The following CTTNBP2 variants were observed in gnomAD, a reference collection of about 807,000 sequenced individuals.
CTTNBP2 encodes cortactin binding protein 2, also known as cortactin-binding protein 2.
In CTTNBP2, 108 loss-of-function variants were observed where a neutral mutation model predicts 156.9. That is an observed-to-expected ratio of 0.69 (90% CI 0.59 to 0.81). CTTNBP2 has a LOEUF of 0.81. CTTNBP2 is among the 30% of genes least tolerant of loss of function. The pLI, the probability that CTTNBP2 is intolerant of heterozygous loss-of-function variation, is 0.00. For synonymous variants in CTTNBP2, 767 were observed against 751.8 expected, an observed-to-expected ratio of 1.02 and a Z score of -0.33; for missense variants, 1,924 against 2,035.4, an observed-to-expected ratio of 0.95 and a Z score of 1.05.
intron 12 of CTTNBP2, among the ~76,000 whole-genome samples, chr7:117,755,743 T>C (rs181115607): frequency 5.3e-5 from 8 of 152,368 alleles, no homozygotes; most frequent in Admixed American, 4.6e-4. Context: ...AATGATCATA[T>C]TCTTCTTCTT....
At position 117,721,096 on chromosome 7, in the gene CTTNBP2, A is replaced by G; in HGVS notation, c.4482T>C (p.Cys1494=). 6.2e-7 allele frequency: 1 copy of G among 1,606,696 alleles called. No individual in the cohort carries two copies. Among genetic ancestry groups the G allele is most frequent in the South Asian group, 1.1e-5 (1 of 90,898 alleles). The change falls in exon 20 of 23, where the codon TGT becomes TGC. Residue 1494 remains cysteine (C), a synonymous_variant. Coordinates refer to ENST00000160373, the MANE Select transcript of CTTNBP2 (RefSeq NM_033427.3). ...MKNKTISQLN[C]NRNASLSKQK... is the part of the protein sequence containing the mutation. ...GTTTTGACAGAGAAGCATTCCTGTT[A>G]CAATTCAGCTGTGATATAGTCTTAT... is the stretch of plus-strand genomic sequence containing the variant.
rs191024761 is a variant in CTTNBP2 at position 117,756,571 on chromosome 7, T to A, written c.3332A>T (p.Gln1111Leu). ...TCCACCTACCAGCCTGAGGTAGTTCTGCATCATCTGGAGAGGGATCATGGA... is the reference window on the plus strand; with the variant it reads ...TCCACCTACCAGCCTGAGGTAGTTCAGCATCATCTGGAGAGGGATCATGGA... ...YASMIPLQMMQNYLRLVEQYH... is the reference protein window; with the variant it reads ...YASMIPLQMMLNYLRLVEQYH... Residue 1111 changes from glutamine to leucine, a missense_variant, in exon 12 of 23, where the codon CAG becomes CTG. By Grantham distance (113) the Gln-to-Leu change is moderately radical. Transcript: ENST00000160373. The A allele has an allele frequency of 1.2e-4, 190 of 1,613,290 alleles. No homozygotes were observed. Among genetic ancestry groups the A allele is most frequent in the Non-Finnish European group, 8.0e-5 (94 of 1,179,228 alleles).
At chr7:117,811,934 TA>T (rs376203872) in intron 2 of CTTNBP2, among the ~76,000 whole-genome samples, 3 of 122,916 alleles carry the variant, frequency 2.4e-5, no homozygotes, top group Admixed American at 8.6e-5. Context: ...AAATTTTAAT[TA>T]AAAAAATTAA....
intron 7 of CTTNBP2, among the ~76,000 whole-genome samples, chr7:117,778,782 A>G (rs1798248295): frequency 6.6e-6 from 1 of 152,184 alleles, no homozygotes; most frequent in African/African-American, 2.4e-5. Flanking sequence ...AAAATTTTTC[A>G]TAAAAGAACC....
At chr7:117,780,683 A>G (rs1798379974) in intron 6 of CTTNBP2, 92 bp from the exon 7 acceptor site, 1 of 674,704 alleles carries the variant, frequency 1.5e-6, no homozygotes, top group Non-Finnish European at 2.3e-6. Flanking sequence ...AAAGAAAGCA[A>G]TGTTGCATCT....
intron 1 of CTTNBP2, among the ~76,000 whole-genome samples, chr7:117,867,894 A>G (rs893632451): frequency 2.0e-5 from 3 of 152,210 alleles, no homozygotes; most frequent in African/African-American, 7.2e-5. Context: ...AGGAGGTAAT[A>G]CTGACAAGGA....
At chr7:117,797,034 T>C (rs1227154702) in intron 3 of CTTNBP2, among the ~76,000 whole-genome samples, 1 of 152,184 alleles carries the variant, frequency 6.6e-6, no homozygotes, top group African/African-American at 2.4e-5. Context: ...CCAATAGCAT[T>C]GGATGAGATT....
At chr7:117,749,260 G>C (rs1796497959) in intron 12 of CTTNBP2, among the ~76,000 whole-genome samples, 1 of 152,168 alleles carries the variant, frequency 6.6e-6, no homozygotes, top group African/African-American at 2.4e-5. Flanking sequence ...CAGGAAACCA[G>C]GATGTGTGGA....
intron 16 of CTTNBP2, among the ~76,000 whole-genome samples, chr7:117,728,936 G>T (rs1229893502): frequency 6.6e-6 from 1 of 152,188 alleles, no homozygotes; most frequent in Non-Finnish European, 1.5e-5. Context: ...CTCTGTTTAA[G>T]CCTCACTTTC....
chr7:117,727,012 T>C (rs76895806), intron 17 of CTTNBP2, among the ~76,000 whole-genome samples: 142 of 152,314 alleles, frequency 9.3e-4, no homozygotes, highest in African/African-American at 3.3e-3. Context: ...TTCCTAAGAA[T>C]CTTGAGACTC....
intron 14 of CTTNBP2, among the ~76,000 whole-genome samples, chr7:117,736,062 C>T (rs1283667062): frequency 6.6e-6 from 1 of 152,056 alleles, no homozygotes; most frequent in Non-Finnish European, 1.5e-5. Flanking sequence ...AATCTGTAAA[C>T]ATAAGTAGTA....
At chr7:117,762,933 C>T (rs1459698604) in intron 9 of CTTNBP2, among the ~76,000 whole-genome samples, 2 of 152,176 alleles carry the variant, frequency 1.3e-5, no homozygotes, top group Non-Finnish European at 2.9e-5. Context: ...CTGTCCAACT[C>T]GTGCTAAAGC....
chr7:117,715,727 A>T (rs956350293), intron 22 of CTTNBP2: 2 of 152,208 alleles, frequency 1.3e-5, no homozygotes, highest in African/African-American at 4.8e-5. Flanking sequence ...CAAATAATAA[A>T]GATAACTTAC....
intron 7 of CTTNBP2, among the ~76,000 whole-genome samples, chr7:117,780,014 C>A (rs913998498): frequency 1.3e-5 from 2 of 152,170 alleles, no homozygotes; most frequent in African/African-American, 4.8e-5. Context: ...CCCATCTCAG[C>A]CTCCCAAAGT....
chr7:117,797,390 A>G (rs1363894455), intron 3 of CTTNBP2, among the ~76,000 whole-genome samples: 1 of 152,222 alleles, frequency 6.6e-6, no homozygotes, highest in Non-Finnish European at 1.5e-5. Context: ...GCAACATATC[A>G]TATCATCCTC....
intron 8 of CTTNBP2, among the ~76,000 whole-genome samples, chr7:117,772,355 G>C (rs1394936703): frequency 6.6e-6 from 1 of 152,138 alleles, no homozygotes; most frequent in East Asian, 1.9e-4. Context: ...TTGATCATTT[G>C]AGTTCTTTAA....
chr7:117,743,659 G>A (rs1268215408), intron 14 of CTTNBP2, among the ~76,000 whole-genome samples: 1 of 150,548 alleles, frequency 6.6e-6, no homozygotes, highest in Non-Finnish European at 1.5e-5. Context: ...CTACTCGGGA[G>A]GCTGAGGCAG....
Position 117,710,905 on chromosome 7 carries a change from C to A in CTTNBP2, c.*632G>T, listed in dbSNP as rs1794020329. 1 of 152,526 alleles carries A rather than the reference C, an allele frequency of 6.6e-6. No individual in the cohort carries two copies. The highest frequency in any genetic ancestry group is 2.4e-5 in the African/African-American group (1 of 41,428). 9.4% of individuals were successfully genotyped at this position (152,526 alleles called of 1,614,324 possible). A position where few individuals can be genotyped will look rare whatever the true frequency, so the allele number is the denominator to read the frequency against. ...TTCATATTTTACAGGAGTCATAATG[C>A]AAACTTATAAGCATAAATATATACA... is the stretch of plus-strand genomic sequence containing the variant. On this transcript the variant is annotated 3_prime_UTR_variant, in exon 23 of 23. Coordinates refer to ENST00000160373, the MANE Select transcript of CTTNBP2 (RefSeq NM_033427.3).
At chr7:117,806,949 G>C (rs1035695356) in intron 3 of CTTNBP2, among the ~76,000 whole-genome samples, 1 of 151,848 alleles carries the variant, frequency 6.6e-6, no homozygotes, top group African/African-American at 2.4e-5. Flanking sequence ...AGTAGAGACA[G>C]GGTTTCACCA....
Sources: gnomAD v4.1 joint callset for allele counts (sites outside exome capture counted in the v4.1 genomes callset) on GRCh38, gnomAD v4.1.1 for gene constraint, MANE v1.5 for transcripts, NCBI Gene and HGNC (gene_info 2026-07-23, HGNC 2026-07-21) for gene names.